Variants in SRGAP2C observed in about 807,000 individuals in gnomAD.
SRGAP2C encodes the protein SLIT-ROBO Rho GTPase activating protein 2C, also known as SLIT-ROBO Rho GTPase-activating protein 2C.
In SRGAP2C, 15 loss-of-function variants were observed where a neutral mutation model predicts 25.1. That is an observed-to-expected ratio of 0.60 (90% CI 0.40 to 0.92). SRGAP2C has a LOEUF of 0.92. Among genes scored for constraint, SRGAP2C ranks in the 40% least tolerant of loss-of-function variants. The probability of loss-of-function intolerance (pLI) is 0.00; values close to 1 mark genes in which losing one functional copy is unlikely to be tolerated. For missense variants in SRGAP2C, 144 were observed against 264.4 expected (o/e 0.54, Z 3.16); for synonymous variants, 44 against 96.6 (o/e 0.46, Z 3.19).
At chr1:121,201,593 G>A (rs782425758) in intron 2 of SRGAP2C, among the ~76,000 whole-genome samples, 61 of 152,342 alleles carry the variant, frequency 4.0e-4, no homozygotes, top group Middle Eastern at 6.8e-3. Context: ...GCGCGTGTGC[G>A]CGCACGCACA....
At chr1:121,238,756 A>G (rs1409649833) in intron 2 of SRGAP2C, among the ~76,000 whole-genome samples, 35 of 149,296 alleles carry the variant, frequency 2.3e-4, no homozygotes, top group African/African-American at 7.7e-4. Context: ...AGGGACTACA[A>G]TTGTGCACCA....
At chr1:121,208,236 C>G (rs1388714887) in intron 2 of SRGAP2C, among the ~76,000 whole-genome samples, 1 of 152,152 alleles carries the variant, frequency 6.6e-6, no homozygotes, top group African/African-American at 2.4e-5. Flanking sequence ...ATAACACTGG[C>G]TCAAGTATGT....
chr1:121,377,107 AT>A (rs1364962141), intron 7 of SRGAP2C, among the ~76,000 whole-genome samples: 2 of 132,760 alleles, frequency 1.5e-5, no homozygotes, highest in South Asian at 2.3e-4. Context: ...TATTTTCATC[AT>A]TTAAAAAAAA....
At chr1:121,232,640 G>T (rs587648010) in intron 2 of SRGAP2C, among the ~76,000 whole-genome samples, 1 of 150,832 alleles carries the variant, frequency 6.6e-6, no homozygotes, top group Non-Finnish European at 1.5e-5. Flanking sequence ...TGAAGCAAAG[G>T]CTCTGCACTT....
In SRGAP2C at chr1:121,328,877, A is replaced by G. The variant is rs1258152286; in HGVS notation, c.423+4237A>G. The stretch of plus-strand genomic sequence containing the variant: ...ACTCTAGCTTGAGTAACAGAGCCAG[A>G]CCCTGTCTGTTTAAAAAAAAAAAAA... On this transcript the variant is annotated intron_variant, in intron 4 of 9. Coordinates refer to ENST00000367123, the MANE Select transcript of SRGAP2C (RefSeq NM_001329984.2). 2.1e-3 allele frequency among the ~76,000 whole-genome samples: 286 copies of G among 137,536 alleles called. 1 individual carries two copies. Among genetic ancestry groups the G allele is most frequent in the African/African-American group, 7.1e-3 (257 of 36,440 alleles). The allele number at this position is 137,536 out of a possible 152,430, so 90.2% of individuals were successfully genotyped here.
chr1:121,208,573 A>T (rs1424760634), intron 2 of SRGAP2C, among the ~76,000 whole-genome samples: 1 of 152,360 alleles, frequency 6.6e-6, no homozygotes, highest in African/African-American at 2.4e-5. Context: ...GGCTCTGTTC[A>T]TGCTTGAAGT....
At chr1:121,272,176 A>AAAG (rs1656980857) in intron 2 of SRGAP2C, among the ~76,000 whole-genome samples, 1 of 73,278 alleles carries the variant, frequency 1.4e-5, no homozygotes, top group Non-Finnish European at 2.7e-5. Context: ...AAAAAAAAAA[A>AAAG]AAGAAGAAGA....
At chr1:121,267,814 A>G (rs1656836656) in intron 2 of SRGAP2C, among the ~76,000 whole-genome samples, 1 of 143,004 alleles carries the variant, frequency 7.0e-6, no homozygotes, top group Non-Finnish European at 1.5e-5. Context: ...AGGTGACTAG[A>G]TAATGCATCT....
chr1:121,282,577 C>T (rs1282382683), intron 2 of SRGAP2C, among the ~76,000 whole-genome samples: 16 of 151,944 alleles, frequency 1.1e-4, no homozygotes, highest in East Asian at 9.7e-4. Flanking sequence ...TTGTTTGAGA[C>T]GGAGTCTCGC....
chr1:121,220,832 GA>G (rs1212791207), intron 2 of SRGAP2C, among the ~76,000 whole-genome samples: 1 of 36,880 alleles, frequency 2.7e-5, no homozygotes, highest in Admixed American at 3.3e-4. Flanking sequence ...CTTCCCCAAA[GA>G]AGAGCCGTAG....
In SRGAP2C at chr1:121,185,066, A is replaced by G; in HGVS notation, c.-601A>G. On this transcript the variant is annotated 5_prime_UTR_variant, in exon 1 of 10. Coordinates refer to ENST00000367123, the MANE Select transcript of SRGAP2C (RefSeq NM_001329984.2). Reference sequence around the variant, plus strand: ...AAACGGGTGGCGGGGAAGAGAGGGGAGGAGAGCTCTGAGTGGGAAGCGGAA... The same window carrying G: ...AAACGGGTGGCGGGGAAGAGAGGGGGGGAGAGCTCTGAGTGGGAAGCGGAA... 2.0e-6 allele frequency: 1 copy of G among 500,056 alleles called. No homozygotes were observed. Among genetic ancestry groups the G allele is most frequent in the Non-Finnish European group, 3.5e-6 (1 of 282,668 alleles). The allele number at this position is 500,056 out of a possible 1,614,324, so 31.0% of individuals were successfully genotyped here.
At chr1:121,385,705 G>A (rs1401703924) in intron 8 of SRGAP2C, among the ~76,000 whole-genome samples, 2 of 151,938 alleles carry the variant, frequency 1.3e-5, no homozygotes, top group African/African-American at 4.9e-5. Flanking sequence ...GGTGACAGGA[G>A]CTGTCTCCAC....
rs587717431 is a variant in SRGAP2C, at chr1:121,187,969, G to A, written c.67+456G>A. Among the ~76,000 whole-genome samples, 137 of 152,276 alleles carry A rather than the reference G, an allele frequency of 9.0e-4. No homozygotes were observed. In the Middle Eastern group the frequency reaches 0.01, roughly 11 times the overall value. ...GTACCATTTGGAGAGCCTTGGGAGA[G>A]GAGGGGTTTTTCGGATGCACTATAT... is the stretch of plus-strand genomic sequence containing the variant. On this transcript the variant is annotated intron_variant, in intron 2 of 9. Transcript: ENST00000367123.
chr1:121,195,276 G>T (rs1321226160), intron 2 of SRGAP2C, among the ~76,000 whole-genome samples: 1 of 152,006 alleles, frequency 6.6e-6, no homozygotes, highest in Non-Finnish European at 1.5e-5. Flanking sequence ...TGGGCGTGGT[G>T]GTGGGTGCCT....
intron 3 of SRGAP2C, among the ~76,000 whole-genome samples, chr1:121,315,281 G>T (rs1275259087): frequency 6.6e-6 from 1 of 151,996 alleles, no homozygotes; most frequent in Non-Finnish European, 1.5e-5. Context: ...GTAGCCAGGA[G>T]TACAGGCACG....
At chr1:121,246,550 A>G in intron 2 of SRGAP2C, among the ~76,000 whole-genome samples, 1 of 145,554 alleles carries the variant, frequency 6.9e-6, no homozygotes, top group Non-Finnish European at 1.5e-5. Flanking sequence ...GTTTATTGAT[A>G]CAGTGTAAAT....
At chr1:121,323,615 CAAAAAAAAAA>C (rs1163708332) in intron 3 of SRGAP2C, among the ~76,000 whole-genome samples, 3 of 28,156 alleles carry the variant, frequency 1.1e-4, no homozygotes, top group African/African-American at 5.0e-4. Context: ...GACTTTGTCT[CAAAAAAAAAA>C]AAAAAAAAAA....
intron 2 of SRGAP2C, among the ~76,000 whole-genome samples, chr1:121,276,784 G>C: frequency 1.7e-5 from 1 of 60,318 alleles, no homozygotes; most frequent in East Asian, 5.8e-4. Flanking sequence ...ACCCAGGCTG[G>C]AGTGCAATGG....
In SRGAP2C at chr1:121,259,543, T is replaced by A. The variant is rs1287794521; in HGVS notation, c.68-25260T>A. ...TTTCTTTTAGCCACTACCAAGTAGG[T>A]GAAGATATACTTATATGTTTTACAA... is the stretch of plus-strand genomic sequence containing the variant. On this transcript the variant is annotated intron_variant, in intron 2 of 9. Coordinates refer to ENST00000367123, the MANE Select transcript of SRGAP2C (RefSeq NM_001329984.2). Among the ~76,000 whole-genome samples, 3 of 147,574 alleles carry A rather than the reference T, an allele frequency of 2.0e-5. No individual in the cohort carries two copies. In the Admixed American group the frequency reaches 2.0e-4, roughly 10 times the overall value.
Sources: gnomAD v4.1 joint callset for allele counts (sites outside exome capture counted in the v4.1 genomes callset) on GRCh38, gnomAD v4.1.1 for gene constraint, MANE v1.5 for transcripts, NCBI Gene and HGNC (gene_info 2026-07-23, HGNC 2026-07-21) for gene names.